Variants in ANO6 observed in about 807,000 individuals in gnomAD.
The protein encoded by ANO6 is anoctamin 6.
Under a neutral mutation model 117.5 loss-of-function variants are expected in ANO6, and 106 were observed. The ratio of observed to expected loss-of-function variants is 0.90; its 90% CI spans 0.77 to 1.06. ANO6 has a LOEUF of 1.06. ANO6 is among the 50% of genes least tolerant of loss of function. The pLI is 0.00. For missense variants in ANO6, 955 were observed against 1,121.1 expected (o/e 0.85, Z 2.12); for synonymous variants, 367 against 385.1 (o/e 0.95, Z 0.55).
At chr12:45,428,890 T>C (rs563105395) in intron 19 of ANO6, among the ~76,000 whole-genome samples, 1 of 152,324 alleles carries the variant, frequency 6.6e-6, no homozygotes, top group African/African-American at 2.4e-5. Flanking sequence ...TATACTTTTC[T>C]ACATATCACA....
chr12:45,372,224 T>C (rs1174669251), intron 9 of ANO6, among the ~76,000 whole-genome samples: 1 of 149,058 alleles, frequency 6.7e-6, no homozygotes, highest in Admixed American at 6.7e-5. Flanking sequence ...AAAGACCAAA[T>C]CTACGTCTGA....
intron 7 of ANO6, among the ~76,000 whole-genome samples, chr12:45,354,388 G>C (rs893388242): frequency 6.6e-6 from 1 of 152,182 alleles, no homozygotes. Flanking sequence ...AAACTGTTAA[G>C]TATGAGGAAT....
intron 7 of ANO6, among the ~76,000 whole-genome samples, chr12:45,351,959 C>A (rs1436819841): frequency 6.6e-6 from 1 of 151,980 alleles, no homozygotes; most frequent in Non-Finnish European, 1.5e-5. Context: ...TTGAGCCAGG[C>A]AGAAGACTGT....
intron 12 of ANO6, among the ~76,000 whole-genome samples, chr12:45,393,683 C>T (rs553261081): frequency 6.6e-6 from 1 of 152,270 alleles, no homozygotes; most frequent in African/African-American, 2.4e-5. Context: ...AGAGTGGGGG[C>T]CAATATTCAA....
chr12:45,244,618 T>G (rs1947797671), intron 1 of ANO6, among the ~76,000 whole-genome samples: 1 of 152,170 alleles, frequency 6.6e-6, no homozygotes, highest in Admixed American at 6.5e-5. Flanking sequence ...GGTACAGAAC[T>G]CATGAGTCAA....
chr12:45,344,625 A>G (rs1293483974), intron 3 of ANO6, among the ~76,000 whole-genome samples: 2 of 152,146 alleles, frequency 1.3e-5, no homozygotes, highest in Non-Finnish European at 2.9e-5. Context: ...CTCCCCTAAC[A>G]TTGGAGATTA....
At chr12:45,339,624 C>T (rs1344896363) in intron 3 of ANO6, among the ~76,000 whole-genome samples, 1 of 152,014 alleles carries the variant, frequency 6.6e-6, no homozygotes, top group Non-Finnish European at 1.5e-5. Flanking sequence ...TGAGTAAATT[C>T]CTCATCAGAT....
At chr12:45,373,387 C>T (rs1410104433) in intron 9 of ANO6, among the ~76,000 whole-genome samples, 4 of 151,972 alleles carry the variant, frequency 2.6e-5, no homozygotes, top group Non-Finnish European at 4.4e-5. Context: ...GAATTCTCCA[C>T]CCCAAATCAA....
At chr12:45,271,595 T>C (rs1938395870) in intron 1 of ANO6, among the ~76,000 whole-genome samples, 2 of 152,336 alleles carry the variant, frequency 1.3e-5, no homozygotes, top group South Asian at 4.1e-4. Context: ...GTCATTGCAG[T>C]GTACTTAGGA....
At chr12:45,361,848 C>G (rs1233436414) in intron 8 of ANO6, among the ~76,000 whole-genome samples, 2 of 152,092 alleles carry the variant, frequency 1.3e-5, no homozygotes, top group African/African-American at 4.8e-5. Context: ...ATAGATCCCA[C>G]TTGGTCATAG....
chr12:45,426,529 C>T (rs1474619620), intron 19 of ANO6, among the ~76,000 whole-genome samples: 1 of 152,134 alleles, frequency 6.6e-6, no homozygotes, highest in African/African-American at 2.4e-5. Context: ...TGAAGCTGCT[C>T]TTGCCAAAGT....
chr12:45,333,482 A>G (rs1052113586), intron 3 of ANO6, among the ~76,000 whole-genome samples: 1 of 152,078 alleles, frequency 6.6e-6, no homozygotes, highest in Admixed American at 6.6e-5. Flanking sequence ...CTGGTTTTAA[A>G]CAAGAGCTTT....
intron 1 of ANO6, among the ~76,000 whole-genome samples, chr12:45,282,831 T>G (rs1434972958): frequency 6.6e-6 from 1 of 152,232 alleles, no homozygotes; most frequent in Admixed American, 6.5e-5. Flanking sequence ...CTGAGAATCA[T>G]CTCCATAATT....
intron 1 of ANO6, among the ~76,000 whole-genome samples, chr12:45,270,760 T>A (rs916107605): frequency 6.6e-6 from 1 of 150,530 alleles, no homozygotes; most frequent in Non-Finnish European, 1.5e-5. Flanking sequence ...AAGCAAAAGT[T>A]ATTTTTTTTT....
intron 1 of ANO6, among the ~76,000 whole-genome samples, chr12:45,234,089 A>C (rs1319002391): frequency 6.6e-6 from 1 of 152,216 alleles, no homozygotes; most frequent in Admixed American, 6.5e-5. Flanking sequence ...TTTTGGTCTT[A>C]GTTATTTTTG....
At chr12:45,435,530 C>G (rs1019643436), downstream of ANO6, among the ~76,000 whole-genome samples, 3 of 152,194 alleles carry the variant, frequency 2.0e-5, no homozygotes, top group African/African-American at 7.2e-5. Flanking sequence ...CAAATGTACT[C>G]CCCTTCCTTC....
At chr12:45,427,841 A>G (rs1943540789) in intron 19 of ANO6, among the ~76,000 whole-genome samples, 1 of 147,804 alleles carries the variant, frequency 6.8e-6, no homozygotes, top group Non-Finnish European at 1.5e-5. Context: ...CAGGTGGCTG[A>G]GGCAGGAGAA....
At chr12:45,385,320 A>G (rs1401396127) in intron 10 of ANO6, among the ~76,000 whole-genome samples, 1 of 152,202 alleles carries the variant, frequency 6.6e-6, no homozygotes, top group Non-Finnish European at 1.5e-5. Flanking sequence ...GACCGCTGGA[A>G]TGATTGCATA....
At chr12:45,392,127 G>C (rs1402784506) in intron 12 of ANO6, among the ~76,000 whole-genome samples, 1 of 152,192 alleles carries the variant, frequency 6.6e-6, no homozygotes, top group Non-Finnish European at 1.5e-5. Context: ...CTATCTGGAA[G>C]AACGGGACAC....
Sources: allele counts gnomAD v4.1 joint callset (sites outside exome capture counted in the v4.1 genomes callset), GRCh38; gene constraint gnomAD v4.1.1; transcripts MANE v1.5; gene names NCBI Gene and HGNC (gene_info 2026-07-23, HGNC 2026-07-21).